SKIL: variants seen among roughly 807,000 people sequenced by gnomAD.
SKIL encodes the protein ski-like protein.
SKIL carries 20 observed loss-of-function variants against 69.6 expected under a neutral mutation model. The ratio of observed to expected loss-of-function variants is 0.29; its 90% CI spans 0.20 to 0.42. The LOEUF is 0.42. Ranked by LOEUF, SKIL falls within the 10% of genes least tolerant of loss-of-function variation. The pLI is 1.00. For synonymous variants in SKIL, 310 were observed against 279.9 expected, an observed-to-expected ratio of 1.11 and a Z score of -1.08; for missense variants, 745 against 783.1, an observed-to-expected ratio of 0.95 and a Z score of 0.58.
At chr3:170,379,661 T>G (rs1281293294) in intron 2 of SKIL, among the ~76,000 whole-genome samples, 4 of 152,160 alleles carry the variant, frequency 2.6e-5, no homozygotes, top group African/African-American at 7.2e-5. Flanking sequence ...GTTTTGTTTT[T>G]TGAGACGATT....
rs1021929219 is a variant in SKIL, at chr3:170,395,029, A to G, written c.*2612A>G. 6 of 152,216 alleles carry G rather than the reference A, an allele frequency of 3.9e-5. No homozygotes were observed. The highest frequency in any genetic ancestry group is 7.4e-5 in the Non-Finnish European group (5 of 68,016). The allele number at this position is 152,216 out of a possible 1,614,324, so 9.4% of individuals were successfully genotyped here. On this transcript the variant is annotated 3_prime_UTR_variant, in exon 7 of 7. Coordinates refer to ENST00000259119, the MANE Select transcript of SKIL (RefSeq NM_005414.5). ...AAATAATTCTTTTAAGAAAAAATGT[A>G]AAAATGTTTATTCTAAAAAGCTGCA...
In SKIL at chr3:170,361,386, A is replaced by G. The variant is rs1236054216; in HGVS notation, c.1055A>G (p.Lys352Arg). Residue 352 changes from lysine (K) to arginine (R), a missense_variant, in exon 2 of 7, where the codon AAG becomes AGG. Physicochemically the swap from Lys to Arg is conservative, Grantham distance 26. Transcript: ENST00000259119. ...KKLKIILEEM[K>R]EKFSMRSGKR... ...CTGAAGATAATTTTAGAAGAAATGA[A>G]GGAGAAGTTTAGCATGAGAAGTGGA... 1.2e-6 allele frequency: 2 copies of G among 1,600,380 alleles called. No individual in the cohort carries two copies. The highest frequency in any genetic ancestry group is 1.4e-5 in the African/African-American group (1 of 73,920).
chr3:170,367,819 T>G (rs1369290358), intron 2 of SKIL, among the ~76,000 whole-genome samples: 1 of 152,146 alleles, frequency 6.6e-6, no homozygotes, highest in Non-Finnish European at 1.5e-5. Flanking sequence ...GTAAGTAAAA[T>G]ATTTTAGTTT....
intron 2 of SKIL, among the ~76,000 whole-genome samples, chr3:170,375,767 T>TG (rs1473885109): frequency 3.9e-5 from 6 of 152,018 alleles, no homozygotes; most frequent in African/African-American, 1.2e-4. Flanking sequence ...TTTGTAGAGA[T>TG]GGGGGTCTCT....
At chr3:170,376,109 G>T (rs553827326) in intron 2 of SKIL, among the ~76,000 whole-genome samples, 1 of 140,832 alleles carries the variant, frequency 7.1e-6, no homozygotes, top group East Asian at 2.1e-4. Flanking sequence ...GCGCAGTGGC[G>T]CAATCTCAGC....
At chr3:170,369,957 G>A (rs1024514953) in intron 2 of SKIL, among the ~76,000 whole-genome samples, 2 of 152,038 alleles carry the variant, frequency 1.3e-5, no homozygotes, top group East Asian at 3.9e-4. Flanking sequence ...ATTTGCTTCC[G>A]GCTGCGCGCG....
At chr3:170,386,035 G>A (rs528109554) in intron 4 of SKIL, among the ~76,000 whole-genome samples, 27 of 151,716 alleles carry the variant, frequency 1.8e-4, no homozygotes, top group Middle Eastern at 3.4e-3. Context: ...CAGGTGATCC[G>A]CCTGCCTCGG....
rs2108218769 is a variant in SKIL at position 170,384,744 on chromosome 3, A to C, written c.1408A>C (p.Arg470=). The part of the protein sequence containing the change: ...EQEKMDLKTS[R]ELCSRLDASI... Reference sequence around the variant, plus strand: ...GGAGAAAATGGATTTAAAAACAAGTAGAGAATTATGTAGCCGTTTAGGTAA... The same window carrying C: ...GGAGAAAATGGATTTAAAAACAAGTCGAGAATTATGTAGCCGTTTAGGTAA... Residue 470 remains arginine, a synonymous_variant, in exon 4 of 7, where the codon AGA becomes CGA. Transcript: ENST00000259119. 6.3e-7 allele frequency: 1 copy of C among 1,583,282 alleles called. No individual in the cohort carries two copies. The highest frequency in any genetic ancestry group is 2.2e-5 in the East Asian group (1 of 44,694).
At chr3:170,382,142 AT>A (rs1207209939) in intron 3 of SKIL, among the ~76,000 whole-genome samples, 3 of 152,152 alleles carry the variant, frequency 2.0e-5, no homozygotes, top group African/African-American at 4.8e-5. Flanking sequence ...TATTTAATGT[AT>A]TTTTTGTTTC....
Position 170,392,570 on chromosome 3 carries a change from T to G in SKIL, c.*153T>G, listed in dbSNP as rs1737979632. The G allele has an allele frequency of 2.3e-6, 1 of 440,192 alleles. No homozygotes were observed. 27.3% of individuals were successfully genotyped at this position (440,192 alleles called of 1,614,324 possible). On this transcript the variant is annotated 3_prime_UTR_variant, in exon 7 of 7. Coordinates refer to ENST00000259119, the MANE Select transcript of SKIL (RefSeq NM_005414.5). ...CAGAGAAAGTGAAGAGATTATATAT[T>G]AGTACTTAAATTTTTACATTTTCCA...
At chr3:170,358,221 G>A (rs1260269640) in intron 1 of SKIL, among the ~76,000 whole-genome samples, 1 of 152,166 alleles carries the variant, frequency 6.6e-6, no homozygotes, top group African/African-American at 2.4e-5. Flanking sequence ...GCTGGCGCGG[G>A]GAGGTGCAGC....
At chr3:170,385,964 G>C (rs1737608259) in intron 4 of SKIL, among the ~76,000 whole-genome samples, 1 of 151,576 alleles carries the variant, frequency 6.6e-6, no homozygotes. Context: ...CGCTAATTTT[G>C]TATTTTTAGT....
chr3:170,380,684 G>A (rs1238328288), intron 2 of SKIL, among the ~76,000 whole-genome samples: 1 of 152,028 alleles, frequency 6.6e-6, no homozygotes, highest in Non-Finnish European at 1.5e-5. Flanking sequence ...GATTTCGTAA[G>A]TATGAAATTT....
At chr3:170,381,857 G>A (rs1737370994) in intron 3 of SKIL, among the ~76,000 whole-genome samples, 1 of 151,974 alleles carries the variant, frequency 6.6e-6, no homozygotes, top group Non-Finnish European at 1.5e-5. Flanking sequence ...CGAGGTGGGT[G>A]GATCATGAGG....
Position 170,357,735 on chromosome 3 carries a change from AGCGGCG to A in SKIL, c.-661_-656del, listed in dbSNP as rs1307554439. 1 of 160,558 alleles carries A rather than the reference AGCGGCG, an allele frequency of 6.2e-6. No homozygotes were observed. Among genetic ancestry groups the A allele is most frequent in the Admixed American group, 6.6e-5 (1 of 15,064 alleles). 9.9% of individuals were successfully genotyped at this position (160,558 alleles called of 1,614,324 possible). On this transcript the variant is annotated 5_prime_UTR_variant, in exon 1 of 7. Coordinates refer to ENST00000259119, the MANE Select transcript of SKIL (RefSeq NM_005414.5). ...CCGGCACAGCCGAAGGGAGCGGGCG[AGCGGCG>A]ACGGCGGCGGCGGCGGGCACAGGTG...
chr3:170,365,912 T>C (rs1272831606), intron 2 of SKIL, among the ~76,000 whole-genome samples: 4 of 152,048 alleles, frequency 2.6e-5, no homozygotes, highest in Admixed American at 2.0e-4. Context: ...TCTGCCACCA[T>C]ACCCAGCTAA....
In SKIL at chr3:170,393,482, T is replaced by C. The variant is rs533563121; in HGVS notation, c.*1065T>C. 7 of 152,284 alleles carry C rather than the reference T, an allele frequency of 4.6e-5. No individual in the cohort carries two copies. The South Asian group carries it at 1.4e-3, about 32-fold the overall frequency. 9.4% of individuals were successfully genotyped at this position (152,284 alleles called of 1,614,324 possible). A position where few individuals can be genotyped will look rare whatever the true frequency, so the allele number is the denominator to read the frequency against. Reference sequence around the variant, plus strand: ...CAACTGATAGTACATGATAGGTGCATATAGGACAGTTTAGTTACCTGCTAC... The same window carrying C: ...CAACTGATAGTACATGATAGGTGCACATAGGACAGTTTAGTTACCTGCTAC... On this transcript the variant is annotated 3_prime_UTR_variant, in exon 7 of 7. Coordinates refer to ENST00000259119, the MANE Select transcript of SKIL (RefSeq NM_005414.5).
rs370750231 is a variant in SKIL, at chr3:170,392,449, T to C, written c.*32T>C. 1.4e-4 allele frequency: 203 copies of C among 1,443,586 alleles called. No individual in the cohort carries two copies. The highest frequency in any genetic ancestry group is 2.5e-4 in the South Asian group (17 of 69,230). 89.4% of individuals were successfully genotyped at this position (1,443,586 alleles called of 1,614,324 possible). ...TTAAAGAGATTCATCTGTGTATTAC[T>C]GACAAGGTTTTTTTTGTTTGTTGCT... is the stretch of plus-strand genomic sequence containing the variant. On this transcript the variant is annotated 3_prime_UTR_variant, in exon 7 of 7. Coordinates refer to ENST00000259119, the MANE Select transcript of SKIL (RefSeq NM_005414.5).
At chr3:170,377,690 A>C (rs1404816842) in intron 2 of SKIL, among the ~76,000 whole-genome samples, 1 of 149,058 alleles carries the variant, frequency 6.7e-6, no homozygotes, top group Non-Finnish European at 1.5e-5. Context: ...CTGGGATTAC[A>C]GGCGCCTGCT....
Sources: allele counts gnomAD v4.1 joint callset (sites outside exome capture counted in the v4.1 genomes callset), GRCh38; gene constraint gnomAD v4.1.1; transcripts MANE v1.5; gene names NCBI Gene and HGNC (gene_info 2026-07-23, HGNC 2026-07-21).